RAP1A: variants seen among roughly 807,000 people sequenced by gnomAD.
RAP1A encodes the protein ras-related protein Rap-1A.
Under a neutral mutation model 26.4 loss-of-function variants are expected in RAP1A, and 6 were observed. The ratio of observed to expected loss-of-function variants is 0.23; its 90% CI spans 0.12 to 0.45. The LOEUF is 0.45. RAP1A is among the 20% of genes least tolerant of loss of function. RAP1A has a pLI of 0.99. For synonymous variants in RAP1A, 73 were observed against 79.4 expected (o/e 0.92, Z 0.43); for missense variants, 121 against 217.2 (o/e 0.56, Z 2.78).
intron 1 of RAP1A, among the ~76,000 whole-genome samples, chr1:111,543,284 A>G (rs994724653): frequency 3.3e-5 from 5 of 152,086 alleles, no homozygotes; most frequent in African/African-American, 4.8e-5. Context: ...ATAAATATAT[A>G]TATATATTTC....
In RAP1A at chr1:111,558,179, T is replaced by G. The variant is rs547596381; in HGVS notation, c.-28+15670T>G. ...GGGTTAAAAAAGTCAATATGGAAAT[T>G]TTTTTCTTTTTGTTTTGAGACAGGG... is the stretch of plus-strand genomic sequence containing the variant. On this transcript the variant is annotated intron_variant, in intron 1 of 7. Coordinates refer to the RAP1A transcript ENST00000356415. 2.0e-5 allele frequency among the ~76,000 whole-genome samples: 3 copies of G among 152,112 alleles called. No individual in the cohort carries two copies. The South Asian group carries it at 6.2e-4, about 32-fold the overall frequency.
At chr1:111,554,861 T>C (rs1657416276) in intron 1 of RAP1A, among the ~76,000 whole-genome samples, 2 of 152,096 alleles carry the variant, frequency 1.3e-5, no homozygotes, top group African/African-American at 4.8e-5. Flanking sequence ...CCAAAGAATG[T>C]TAGCTCACAA....
At chr1:111,676,157 A>G (rs1272812306) in intron 1 of RAP1A, among the ~76,000 whole-genome samples, 2 of 152,160 alleles carry the variant, frequency 1.3e-5, no homozygotes, top group African/African-American at 4.8e-5. Context: ...GGAGTTCGAG[A>G]CCAGGCTGGC....
chr1:111,557,515 A>C lies in RAP1A; in HGVS notation c.-28+15006A>C, dbSNP rs143456975. The stretch of plus-strand genomic sequence containing the variant: ...CAGTGAGCCGAGATCACACCACTGC[A>C]CTCCAGCCTGGGCAATAGAGTGAGA... On this transcript the variant is annotated intron_variant, in intron 1 of 7. Coordinates refer to the RAP1A transcript ENST00000356415. Among the ~76,000 whole-genome samples the C allele has an allele frequency of 2.6e-4, 39 of 152,104 alleles. No homozygotes were observed. In the East Asian group the frequency reaches 7.3e-3, roughly 29 times the overall value.
chr1:111,673,093 A>G (rs1357241976), intron 1 of RAP1A, among the ~76,000 whole-genome samples: 1 of 152,040 alleles, frequency 6.6e-6, no homozygotes, highest in Non-Finnish European at 1.5e-5. Flanking sequence ...GTATTGGTAT[A>G]TTTATGTGAT....
intron 1 of RAP1A, among the ~76,000 whole-genome samples, chr1:111,549,153 C>A (rs1185221773): frequency 1.3e-5 from 2 of 151,968 alleles, no homozygotes; most frequent in Admixed American, 1.3e-4. Flanking sequence ...TCCCTGTTGT[C>A]TTTGTCTGGT....
chr1:111,659,666 T>C (rs940690575), intron 1 of RAP1A, among the ~76,000 whole-genome samples: 12 of 152,144 alleles, frequency 7.9e-5, no homozygotes, highest in Non-Finnish European at 1.8e-4. Context: ...TACTGTTTTC[T>C]ATTCATTGCC....
chr1:111,631,327 GGAATA>G (rs1459867015), intron 1 of RAP1A, among the ~76,000 whole-genome samples: 4 of 152,120 alleles, frequency 2.6e-5, no homozygotes, highest in Non-Finnish European at 4.4e-5. Context: ...TGAAATCCAT[GGAATA>G]GAATAAAGTT....
At chr1:111,562,323 G>A (rs1404873558) in intron 1 of RAP1A, among the ~76,000 whole-genome samples, 3 of 152,078 alleles carry the variant, frequency 2.0e-5, no homozygotes, top group African/African-American at 4.8e-5. Flanking sequence ...AACCATAATA[G>A]GAGGTCAAGA....
rs1005050052 is a variant in RAP1A, at chr1:111,648,341, A to C, written c.-28+28407A>C. 64 of 725,338 alleles carry C rather than the reference A, an allele frequency of 8.8e-5. No individual in the cohort carries two copies. In the Admixed American group the frequency reaches 1.2e-3, roughly 14 times the overall value. The allele number at this position is 725,338 out of a possible 1,614,324, so 44.9% of individuals were successfully genotyped here. A position where few individuals can be genotyped will look rare whatever the true frequency, so the allele number is the denominator to read the frequency against. On this transcript the variant is annotated intron_variant, in intron 1 of 7. Transcript: ENST00000369709. ...CTCAGATACCACTTTGCCATCCACT[A>C]TCTGGTGGATGGTCGTCTTTTGGAT...
intron 1 of RAP1A, among the ~76,000 whole-genome samples, chr1:111,562,400 C>A (rs1438361257): frequency 6.6e-6 from 1 of 152,126 alleles, no homozygotes; most frequent in Non-Finnish European, 1.5e-5. Flanking sequence ...AAACTGTTGT[C>A]TGTGTGGTTA....
chr1:111,612,013 G>GTTTTTTTTTTTTTTTTTTTTTTTTTTTTT (rs36008061), intron 1 of RAP1A, among the ~76,000 whole-genome samples: 1 of 144,106 alleles, frequency 6.9e-6, no homozygotes, highest in African/African-American at 2.6e-5. Context: ...ACGTGCTTGA[G>GTTTTTTTTTTTTTTTTTTTTTTTTTTTTT]TTTTTTTTTT....
chr1:111,617,210 C>T (rs564565012), upstream of RAP1A, among the ~76,000 whole-genome samples: 109 of 152,326 alleles, frequency 7.2e-4, no homozygotes, highest in African/African-American at 2.5e-3. Context: ...CAGCTCCTAC[C>T]TGCCGCCTCT....
At chr1:111,651,523 C>T (rs919179167) in intron 1 of RAP1A, among the ~76,000 whole-genome samples, 3 of 142,080 alleles carry the variant, frequency 2.1e-5, no homozygotes, top group African/African-American at 7.9e-5. Context: ...GTTACCCAGG[C>T]TATAGTGCAG....
chr1:111,684,597 GGA>G (rs897140064), intron 1 of RAP1A, among the ~76,000 whole-genome samples: 2 of 152,128 alleles, frequency 1.3e-5, no homozygotes, highest in Admixed American at 1.3e-4. Context: ...ACCTCTTCAA[GGA>G]GAACTACAAA....
intron 1 of RAP1A, chr1:111,604,826 C>G (rs1327866614): frequency 6.6e-6 from 1 of 152,222 alleles, no homozygotes; most frequent in Non-Finnish European, 1.5e-5. Flanking sequence ...AGCCTGGGGT[C>G]TGCTGACTCT....
At chr1:111,552,401 A>T (rs1657302888) in intron 1 of RAP1A, among the ~76,000 whole-genome samples, 1 of 152,196 alleles carries the variant, frequency 6.6e-6, no homozygotes, top group Admixed American at 6.5e-5. Flanking sequence ...TTTCCTGAAT[A>T]CGTGTTCCCT....
chr1:111,562,200 A>G lies in RAP1A; in HGVS notation c.-28+19691A>G, dbSNP rs1657768886. 2.6e-5 allele frequency among the ~76,000 whole-genome samples: 4 copies of G among 152,176 alleles called. 1 individual carries two copies. In the South Asian group the frequency reaches 8.3e-4, roughly 32 times the overall value. ...TTCAGATACGCCATTTCCTCTGTGA[A>G]ATTTCTTCTGACCCCACCACTTCTT... On this transcript the variant is annotated intron_variant, in intron 1 of 7. Coordinates refer to the RAP1A transcript ENST00000356415.
chr1:111,546,515 C>G (rs1371027643), intron 1 of RAP1A, among the ~76,000 whole-genome samples: 3 of 152,146 alleles, frequency 2.0e-5, no homozygotes, highest in African/African-American at 7.2e-5. Flanking sequence ...AGTGAAATCA[C>G]ATAATACTTG....
Sources: gnomAD v4.1 joint callset for allele counts (sites outside exome capture counted in the v4.1 genomes callset) on GRCh38, gnomAD v4.1.1 for gene constraint, MANE v1.5 for transcripts, NCBI Gene and HGNC (gene_info 2026-07-23, HGNC 2026-07-21) for gene names.